Variants in TENM2 observed in about 807,000 individuals in gnomAD.
TENM2 encodes the protein teneurin transmembrane protein 2.
TENM2 carries 52 observed loss-of-function variants against 245.2 expected under a neutral mutation model. That is an observed-to-expected ratio of 0.21 (90% CI 0.17 to 0.27). The LOEUF (loss-of-function observed/expected upper bound fraction) is 0.27. Among genes scored for constraint, TENM2 ranks in the 10% least tolerant of loss-of-function variants. The pLI is 1.00. For synonymous variants in TENM2, 1,363 were observed against 1,438.9 expected (o/e 0.95, Z 1.19); for missense variants, 3,046 against 3,666.8 (o/e 0.83, Z 4.37).
intron 2 of TENM2, among the ~76,000 whole-genome samples, chr5:167,460,898 A>G (rs2061492311): frequency 6.6e-6 from 1 of 152,194 alleles, no homozygotes; most frequent in South Asian, 2.1e-4. Flanking sequence ...AACTCATACT[A>G]TTAAAATGAA....
intron 2 of TENM2, among the ~76,000 whole-genome samples, chr5:167,597,189 A>C (rs975267239): frequency 1.5e-5 from 2 of 137,530 alleles, no homozygotes; most frequent in African/African-American, 2.6e-5. Context: ...TTTTGAGACA[A>C]AGTTTTTCTC....
chr5:167,116,794 T>C, the TENM2 span: 1 of 152,226 alleles, frequency 6.6e-6, no homozygotes, highest in Admixed American at 6.5e-5. Context: ...ATCTGGCCTT[T>C]CAATTAGCCT....
At chr5:167,295,691 A>T (rs1015204983) in intron 1 of TENM2, among the ~76,000 whole-genome samples, 3 of 152,220 alleles carry the variant, frequency 2.0e-5, no homozygotes, top group Non-Finnish European at 4.4e-5. Context: ...CCCTAGGGAC[A>T]TATGAAGAGG....
chr5:167,481,395 G>A (rs1003413940), intron 2 of TENM2, among the ~76,000 whole-genome samples: 1 of 152,096 alleles, frequency 6.6e-6, no homozygotes, highest in African/African-American at 2.4e-5. Flanking sequence ...ATAATATTTT[G>A]TAATATCTGA....
intron 2 of TENM2, among the ~76,000 whole-genome samples, chr5:167,761,493 ACTG>A (rs1762664047): frequency 1.3e-5 from 2 of 152,136 alleles, no homozygotes; most frequent in African/African-American, 4.8e-5. Context: ...AGAAATATGG[ACTG>A]CTATTAGAAA....
At chr5:167,603,541 T>C (rs1372930638) in intron 2 of TENM2, among the ~76,000 whole-genome samples, 1 of 151,942 alleles carries the variant, frequency 6.6e-6, no homozygotes. Context: ...ATTAGCTGGG[T>C]GTAGTGGCAT....
At chr5:167,691,200 C>T (rs1322357827) in intron 2 of TENM2, among the ~76,000 whole-genome samples, 2 of 152,098 alleles carry the variant, frequency 1.3e-5, no homozygotes, top group Non-Finnish European at 2.9e-5. Flanking sequence ...TTCTGTCTCA[C>T]ACACTTGTGA....
chr5:167,137,905 T>C, the TENM2 span, among the ~76,000 whole-genome samples: 1 of 152,234 alleles, frequency 6.6e-6, no homozygotes, highest in African/African-American at 2.4e-5. Flanking sequence ...ACACCATTGC[T>C]TTCTTGATGG....
chr5:167,460,590 A>G (rs1766235385), intron 2 of TENM2, among the ~76,000 whole-genome samples: 3 of 139,654 alleles, frequency 2.1e-5, no homozygotes, highest in African/African-American at 8.0e-5. Flanking sequence ...TTTTAGAAAT[A>G]ATGGCAAAAC....
chr5:167,474,991 T>G (rs2127518823), intron 2 of TENM2, among the ~76,000 whole-genome samples: 1 of 152,330 alleles, frequency 6.6e-6, no homozygotes, highest in Non-Finnish European at 1.5e-5. Flanking sequence ...TTTTTAGATG[T>G]TTCAGGCAGA....
intron 3 of TENM2, among the ~76,000 whole-genome samples, chr5:167,936,624 G>A (rs915795506): frequency 6.6e-6 from 1 of 152,192 alleles, no homozygotes; most frequent in Admixed American, 6.5e-5. Context: ...TCAGCGTGAT[G>A]TTTAATTTTA....
At chr5:167,102,779 C>T in the TENM2 span, among the ~76,000 whole-genome samples, 1 of 152,226 alleles carries the variant, frequency 6.6e-6, no homozygotes. Context: ...CTGCCTCAGC[C>T]TCCCGAGTAG....
At chr5:168,253,390 C>T (rs1363618498) in intron 27 of TENM2, among the ~76,000 whole-genome samples, 1 of 150,394 alleles carries the variant, frequency 6.6e-6, no homozygotes, top group Admixed American at 6.6e-5. Context: ...CTAATAAAAG[C>T]ACAGAGCAAA....
At chr5:167,741,424 G>A (rs937956099) in intron 2 of TENM2, among the ~76,000 whole-genome samples, 1 of 152,132 alleles carries the variant, frequency 6.6e-6, no homozygotes, top group Admixed American at 6.5e-5. Context: ...GGCCTTGTTG[G>A]TTCAGGTTTT....
chr5:167,136,215 T>A, the TENM2 span, among the ~76,000 whole-genome samples: 1 of 152,230 alleles, frequency 6.6e-6, no homozygotes, highest in African/African-American at 2.4e-5. Flanking sequence ...ATTTTTTGTC[T>A]TGTGGTTCTA....
intron 4 of TENM2, among the ~76,000 whole-genome samples, chr5:167,957,724 G>A (rs1358050390): frequency 1.3e-5 from 2 of 152,134 alleles, no homozygotes; most frequent in Admixed American, 6.5e-5. Flanking sequence ...CCTTAATTTT[G>A]TTATTTACCC....
At chr5:168,021,221 G>A (rs1326027427) in intron 5 of TENM2, among the ~76,000 whole-genome samples, 1 of 152,244 alleles carries the variant, frequency 6.6e-6, no homozygotes, top group Non-Finnish European at 1.5e-5. Flanking sequence ...CTCTTTAGAT[G>A]TATAAATATT....
At chr5:167,474,655 C>T (rs1036629456) in intron 2 of TENM2, among the ~76,000 whole-genome samples, 33 of 152,102 alleles carry the variant, frequency 2.2e-4, no homozygotes, top group Admixed American at 9.8e-4. Context: ...GCTGGGATTA[C>T]AGGCGCTCAC....
In TENM2 at chr5:168,218,063, G is replaced by A. The variant is rs534155151; in HGVS notation, c.4234-62G>A. ...TAGATATATAAAACCAGTAAGTGCCGTACGGTTAAACGTTGGACATATTAA... is the reference window on the plus strand; with the variant it reads ...TAGATATATAAAACCAGTAAGTGCCATACGGTTAAACGTTGGACATATTAA... On this transcript the variant is annotated intron_variant, in intron 22 of 28. Coordinates refer to ENST00000518659, the Ensembl canonical transcript of TENM2. This position sits in a 1 kb window ranked among gnomAD's most constrained non-coding sequence, Gnocchi z 5.2. 1.0e-4 allele frequency: 155 copies of A among 1,533,088 alleles called. No homozygotes were observed. In the African/African-American group the frequency reaches 1.6e-3, roughly 16 times the overall value. 95.0% of individuals were successfully genotyped at this position (1,533,088 alleles called of 1,614,324 possible).
Sources: allele counts gnomAD v4.1 joint callset (sites outside exome capture counted in the v4.1 genomes callset), GRCh38; gene constraint gnomAD v4.1.1; non-coding constraint Gnocchi (gnomAD v3.1); transcripts MANE v1.5; gene names NCBI Gene and HGNC (gene_info 2026-07-23, HGNC 2026-07-21).